The following WWOX variants were observed in gnomAD, a reference collection of about 807,000 sequenced individuals.
WWOX encodes WW domain-containing oxidoreductase.
A neutral mutation model predicts 46.2 loss-of-function variants in WWOX; 69 were observed. The ratio of observed to expected loss-of-function variants is 1.49; its 90% CI spans 1.23 to 1.82. The LOEUF is 1.82. Among genes scored for constraint, WWOX ranks in the 40% most tolerant of loss-of-function variants. The pLI, the probability that WWOX is intolerant of heterozygous loss-of-function variation, is 0.00. For missense variants in WWOX, 919 were observed against 542.6 expected (o/e 1.69, Z -6.89); for synonymous variants, 359 against 202.6 (o/e 1.77, Z -6.56).
chr16:79,144,474 A>G (rs2050148476), intron 8 of WWOX, among the ~76,000 whole-genome samples: 1 of 152,222 alleles, frequency 6.6e-6, no homozygotes, highest in Non-Finnish European at 1.5e-5. Context: ...AATAATGTCC[A>G]TGAAAAGACC....
intron 8 of WWOX, chr16:78,898,484 C>G (rs939575158): frequency 3.9e-5 from 6 of 152,222 alleles, no homozygotes; most frequent in African/African-American, 1.4e-4. Context: ...GACTGTTGTA[C>G]TCCATTGATC....
At chr16:78,519,834 C>T (rs908641637) in intron 8 of WWOX, among the ~76,000 whole-genome samples, 3 of 152,152 alleles carry the variant, frequency 2.0e-5, no homozygotes, top group Non-Finnish European at 4.4e-5. Flanking sequence ...GAACTTCCAG[C>T]CCCCAGAACT....
chr16:78,206,894 A>C (rs1336228631), intron 5 of WWOX, among the ~76,000 whole-genome samples: 1 of 152,198 alleles, frequency 6.6e-6, no homozygotes, highest in Non-Finnish European at 1.5e-5. Context: ...AATTGAGATA[A>C]TGATAATAGC....
intron 8 of WWOX, among the ~76,000 whole-genome samples, chr16:79,037,693 C>G (rs935240474): frequency 2.6e-5 from 4 of 152,194 alleles, no homozygotes; most frequent in Non-Finnish European, 5.9e-5. Context: ...ATAGGCCTCA[C>G]AATCGCAAGC....
intron 8 of WWOX, among the ~76,000 whole-genome samples, chr16:78,599,914 G>A (rs1290570259): frequency 6.6e-6 from 1 of 152,118 alleles, no homozygotes; most frequent in Admixed American, 6.5e-5. Context: ...AGATGCCGTG[G>A]GGGTGTATTA....
intron 8 of WWOX, among the ~76,000 whole-genome samples, chr16:78,680,459 C>T (rs945250652): frequency 1.3e-5 from 2 of 151,882 alleles, no homozygotes; most frequent in South Asian, 2.1e-4. Flanking sequence ...GCTTGAGCCC[C>T]GGGAGGTAGA....
intron 8 of WWOX, among the ~76,000 whole-genome samples, chr16:78,764,781 G>A (rs2049888995): frequency 6.6e-6 from 1 of 151,590 alleles, no homozygotes; most frequent in African/African-American, 2.4e-5. Flanking sequence ...CTAGCACAGT[G>A]TCTTGAACAC....
chr16:78,386,108 G>A (rs373951909), intron 5 of WWOX, among the ~76,000 whole-genome samples: 1 of 152,162 alleles, frequency 6.6e-6, no homozygotes, highest in South Asian at 2.1e-4. Context: ...GTCAGTTCTT[G>A]TACTCAATTT....
rs111647544 is a variant in WWOX, at chr16:78,878,901, GAA to G, written c.1057-332689_1057-332688del. On this transcript the variant is annotated intron_variant, in intron 8 of 8. Transcript: ENST00000566780. ...CAAAATACTATCTCTACAAAAAAAT[GAA>G]AAAAAAAAAAAAAAAAAGCCTGTCA... is the stretch of plus-strand genomic sequence containing the variant. Among the ~76,000 whole-genome samples, 14 of 86,928 alleles carry G rather than the reference GAA, an allele frequency of 1.6e-4. No homozygotes were observed. In the East Asian group the frequency reaches 3.1e-3, roughly 19 times the overall value. 57.0% of individuals were successfully genotyped at this position (86,928 alleles called of 152,430 possible).
At chr16:78,254,987 T>C (rs2038089125) in intron 5 of WWOX, among the ~76,000 whole-genome samples, 1 of 152,198 alleles carries the variant, frequency 6.6e-6, no homozygotes, top group African/African-American at 2.4e-5. Context: ...AGGAACTGCT[T>C]AAGAGGCCTC....
At chr16:78,108,598 G>A (rs777531693) in intron 2 of WWOX, 111 bp downstream of exon 2, 15 of 1,211,190 alleles carry the variant, frequency 1.2e-5, no homozygotes, top group Non-Finnish European at 1.8e-5. Context: ...CTCTCTGGTA[G>A]AGAACCAGAC....
intron 8 of WWOX, among the ~76,000 whole-genome samples, chr16:78,724,597 G>A (rs1233890293): frequency 2.0e-5 from 3 of 152,184 alleles, no homozygotes; most frequent in Non-Finnish European, 2.9e-5. Flanking sequence ...ACCCACTTAT[G>A]TGTAGTCCCC....
chr16:78,862,306 C>A (rs546639515), intron 8 of WWOX, among the ~76,000 whole-genome samples: 5 of 150,898 alleles, frequency 3.3e-5, no homozygotes, highest in Non-Finnish European at 7.4e-5. Flanking sequence ...CTATACACAC[C>A]TATGGGTGTG....
At chr16:78,760,191 C>CA (rs976280432) in intron 8 of WWOX, among the ~76,000 whole-genome samples, 9 of 152,158 alleles carry the variant, frequency 5.9e-5, no homozygotes, top group Non-Finnish European at 1.2e-4. Flanking sequence ...GAGAGAGTGA[C>CA]AGCCAGGTGA....
intron 5 of WWOX, among the ~76,000 whole-genome samples, chr16:78,318,709 C>T (rs1193806107): frequency 4.6e-5 from 7 of 152,238 alleles, no homozygotes; most frequent in Admixed American, 4.6e-4. Flanking sequence ...TACATAATTT[C>T]TGTAAGTACT....
intron 8 of WWOX, among the ~76,000 whole-genome samples, chr16:78,687,090 A>ATT (rs34855242): frequency 2.2e-4 from 33 of 151,482 alleles, no homozygotes; most frequent in East Asian, 1.4e-3. Flanking sequence ...TTTAAAACAC[A>ATT]TTTTTTTTTC....
At chr16:78,825,939 C>A in intron 8 of WWOX, 2 of 813,006 alleles carry the variant, frequency 2.5e-6, no homozygotes, top group Non-Finnish European at 4.0e-6. Context: ...CCCACCACTC[C>A]CATCTCAGAA....
chr16:78,123,797 G>C (rs941263599), intron 4 of WWOX: 2 of 151,904 alleles, frequency 1.3e-5, no homozygotes, highest in African/African-American at 2.4e-5. Context: ...CTTGCCCCCT[G>C]CTACAAGCCT....
At chr16:78,597,724 T>C (rs1295334228) in intron 8 of WWOX, among the ~76,000 whole-genome samples, 2 of 150,646 alleles carry the variant, frequency 1.3e-5, no homozygotes, top group African/African-American at 2.4e-5. Context: ...CAATAATTGC[T>C]TAATGGGAAT....
Sources: gnomAD v4.1 joint callset for allele counts (sites outside exome capture counted in the v4.1 genomes callset) on GRCh38, gnomAD v4.1.1 for gene constraint, MANE v1.5 for transcripts, NCBI Gene and HGNC (gene_info 2026-07-23, HGNC 2026-07-21) for gene names.